Variants in SCAF8 observed in about 807,000 individuals in gnomAD.
SCAF8 encodes SR-related and CTD-associated factor 8.
Under a neutral mutation model 140.5 loss-of-function variants are expected in SCAF8, and 23 were observed. That is an observed-to-expected ratio of 0.16 (90% CI 0.12 to 0.23). The LOEUF (loss-of-function observed/expected upper bound fraction) is 0.23. SCAF8 is among the 10% of genes least tolerant of loss of function. The probability of loss-of-function intolerance (pLI) is 1.00; values close to 1 mark genes in which losing one functional copy is unlikely to be tolerated. For missense variants in SCAF8, 1,397 were observed against 1,555.7 expected, an observed-to-expected ratio of 0.90 and a Z score of 1.72; for synonymous variants, 575 against 528.9, an observed-to-expected ratio of 1.09 and a Z score of -1.20.
intron 13 of SCAF8, among the ~76,000 whole-genome samples, chr6:154,816,896 C>G (rs1261259452): frequency 6.6e-6 from 1 of 152,122 alleles, no homozygotes; most frequent in Admixed American, 6.6e-5. Flanking sequence ...CTGTTGTTTT[C>G]TAATGAGGAA....
At chr6:154,804,217 T>C (rs1474110403) in intron 8 of SCAF8, among the ~76,000 whole-genome samples, 1 of 152,118 alleles carries the variant, frequency 6.6e-6, no homozygotes, top group Non-Finnish European at 1.5e-5. Flanking sequence ...ATGGTGAAAG[T>C]CTGTGGGTCT....
At chr6:154,777,696 A>C (rs1776957816) in intron 2 of SCAF8, among the ~76,000 whole-genome samples, 2 of 152,234 alleles carry the variant, frequency 1.3e-5, no homozygotes, top group African/African-American at 4.8e-5. Flanking sequence ...AGTATTTTGA[A>C]GTCAACACAA....
intron 6 of SCAF8, among the ~76,000 whole-genome samples, chr6:154,796,493 A>G (rs1305031387): frequency 6.6e-6 from 1 of 152,028 alleles, no homozygotes; most frequent in Non-Finnish European, 1.5e-5. Flanking sequence ...AAACTATTTC[A>G]CAACTAGTTT....
At chr6:154,743,834 T>A (rs1320182807) in intron 1 of SCAF8, among the ~76,000 whole-genome samples, 4 of 152,246 alleles carry the variant, frequency 2.6e-5, no homozygotes, top group Non-Finnish European at 5.9e-5. Context: ...AAAAATTTTT[T>A]AAAATCTTTT....
At chr6:154,754,888 G>A (rs564666511) in intron 1 of SCAF8, among the ~76,000 whole-genome samples, 55 of 151,976 alleles carry the variant, frequency 3.6e-4, no homozygotes, top group Non-Finnish European at 6.3e-4. Flanking sequence ...TTATGTACAT[G>A]TGCATTTGAA....
intron 1 of SCAF8, among the ~76,000 whole-genome samples, chr6:154,756,802 G>A (rs886152135): frequency 3.3e-5 from 5 of 152,094 alleles, no homozygotes; most frequent in South Asian, 2.1e-4. Context: ...GGAGGAGGGC[G>A]GATCGCTTGA....
At position 154,773,996 on chromosome 6, in the gene SCAF8, C is replaced by T. The variant is rs1316931343; in HGVS notation, c.38C>T (p.Ser13Phe). Residue 13 changes from serine to phenylalanine, a missense_variant, in exon 2 of 20, where the codon TCC becomes TTC. By Grantham distance (155) the Ser-to-Phe change is radical. Around this residue, in one of 5 missense-constraint regions of SCAF8, gnomAD observed 26 missense variants for 20.9 expected, o/e 1.25. Coordinates refer to ENST00000367178, the MANE Select transcript of SCAF8 (RefSeq NM_014892.5). ...AVKTFNSELY[S>F]LNDYKPPISK... ...TTGTTCTTTTTTCATCAGTTGTATT[C>T]CCTGAATGACTATAAACCACCCATT... 6.2e-7 allele frequency: 1 copy of T among 1,608,778 alleles called. No homozygotes were observed. Among genetic ancestry groups the T allele is most frequent in the Non-Finnish European group, 8.5e-7 (1 of 1,175,792 alleles).
At chr6:154,785,557 A>G (rs1156639529) in intron 3 of SCAF8, among the ~76,000 whole-genome samples, 4 of 152,206 alleles carry the variant, frequency 2.6e-5, no homozygotes, top group Non-Finnish European at 5.9e-5. Context: ...TGCCACCATT[A>G]GTATTATTCA....
chr6:154,771,349 TC>T (rs1462187582), intron 1 of SCAF8, among the ~76,000 whole-genome samples: 1 of 152,032 alleles, frequency 6.6e-6, no homozygotes, highest in Non-Finnish European at 1.5e-5. Context: ...TAGAGAGTAT[TC>T]CAAATAGAGG....
At chr6:154,746,101 G>T (rs1778692792) in intron 1 of SCAF8, among the ~76,000 whole-genome samples, 1 of 152,162 alleles carries the variant, frequency 6.6e-6, no homozygotes, top group Non-Finnish European at 1.5e-5. Context: ...GGCCAGGCTG[G>T]TCTTGAACTC....
At chr6:154,740,227 A>T (rs984902217) in intron 1 of SCAF8, among the ~76,000 whole-genome samples, 1 of 152,180 alleles carries the variant, frequency 6.6e-6, no homozygotes, top group Admixed American at 6.5e-5. Context: ...AACTATTGAT[A>T]TTTTGGGCTG....
At position 154,801,865 on chromosome 6, in the gene SCAF8, A is replaced by G; in HGVS notation, c.607-106A>G. On this transcript the variant is annotated intron_variant, in intron 6 of 19. Transcript: ENST00000367178. Reference sequence around the variant, plus strand: ...CTTATTAATAGTGTGTATTTTTTTCAAAGAGAGTGTGGAATGATTAATTTT... The same window carrying G: ...CTTATTAATAGTGTGTATTTTTTTCGAAGAGAGTGTGGAATGATTAATTTT... 5.8e-6 allele frequency: 4 copies of G among 694,636 alleles called. No individual in the cohort carries two copies. In the South Asian group the frequency reaches 9.1e-5, roughly 16 times the overall value. 43.0% of individuals were successfully genotyped at this position (694,636 alleles called of 1,614,324 possible).
chr6:154,822,531 T>C (rs1778451681), intron 16 of SCAF8, 122 bp downstream of exon 16: 1 of 1,000,684 alleles, frequency 1.0e-6, no homozygotes, highest in Admixed American at 2.5e-5. Flanking sequence ...TTGTCAGTAG[T>C]GTTAGGGAAA....
At chr6:154,767,066 A>G (rs1443973536) in intron 1 of SCAF8, among the ~76,000 whole-genome samples, 2 of 152,132 alleles carry the variant, frequency 1.3e-5, no homozygotes, top group Non-Finnish European at 2.9e-5. Flanking sequence ...CCAGTATGAA[A>G]AGAATTTTAA....
chr6:154,742,159 TAAAAG>T (rs925004319), intron 1 of SCAF8: 8 of 554,752 alleles, frequency 1.4e-5, no homozygotes, highest in East Asian at 6.2e-5. Flanking sequence ...TTGGTAGTCT[TAAAAG>T]AGAGCGTCTA....
At chr6:154,801,206 GT>G (rs2114897371) in intron 6 of SCAF8, among the ~76,000 whole-genome samples, 1 of 151,674 alleles carries the variant, frequency 6.6e-6, no homozygotes, top group South Asian at 2.1e-4. Context: ...ACTGTTTTAA[GT>G]AGGCATGAAA....
intron 19 of SCAF8, 125 bp downstream of exon 19, chr6:154,831,265 A>T (rs1223346434): frequency 2.5e-5 from 15 of 594,088 alleles, no homozygotes; most frequent in African/African-American, 1.9e-4. Flanking sequence ...CTTTTTTTTT[A>T]AAAGAGATCA....
At chr6:154,753,293 C>T (rs1229419131) in intron 1 of SCAF8, among the ~76,000 whole-genome samples, 1 of 152,098 alleles carries the variant, frequency 6.6e-6, no homozygotes, top group Non-Finnish European at 1.5e-5. Context: ...CGGTGAAACC[C>T]CATCTCTACT....
At chr6:154,793,273 C>G (rs1012516974) in intron 5 of SCAF8, among the ~76,000 whole-genome samples, 1 of 152,034 alleles carries the variant, frequency 6.6e-6, no homozygotes, top group African/African-American at 2.4e-5. Flanking sequence ...CTTATACTTG[C>G]ATTTGTATCA....
Sources: allele counts gnomAD v4.1 joint callset (sites outside exome capture counted in the v4.1 genomes callset), GRCh38; gene constraint gnomAD v4.1.1; regional missense constraint gnomAD v4.1.1; transcripts MANE v1.5; gene names NCBI Gene and HGNC (gene_info 2026-07-23, HGNC 2026-07-21).